The following KDM4C variants were observed in gnomAD, a reference collection of about 807,000 sequenced individuals.
KDM4C encodes lysine-specific demethylase 4C.
KDM4C carries 81 observed loss-of-function variants against 129.3 expected under a neutral mutation model. The observed-to-expected ratio is 0.63, with a 90% CI of 0.52 to 0.75. KDM4C has a LOEUF of 0.75. Among genes scored for constraint, KDM4C ranks in the 30% least tolerant of loss-of-function variants. The pLI, the probability that KDM4C is intolerant of heterozygous loss-of-function variation, is 0.00. For missense variants in KDM4C, 1,457 were observed against 1,304.0 expected (o/e 1.12, Z -1.81); for synonymous variants, 573 against 456.1 (o/e 1.26, Z -3.26).
At chr9:6,917,775 A>G (rs779118354) in intron 8 of KDM4C, among the ~76,000 whole-genome samples, 2 of 152,032 alleles carry the variant, frequency 1.3e-5, no homozygotes, top group Admixed American at 6.6e-5. Flanking sequence ...ACATTTTCCT[A>G]CCTATCAGTC....
At chr9:6,960,476 C>T (rs1829847415) in intron 8 of KDM4C, among the ~76,000 whole-genome samples, 2 of 151,900 alleles carry the variant, frequency 1.3e-5, no homozygotes, top group African/African-American at 2.4e-5. Context: ...CCAGGATGGT[C>T]TAAAACTCCT....
intron 1 of KDM4C, chr9:6,721,129 A>G: frequency 1.3e-6 from 1 of 766,820 alleles, no homozygotes. Flanking sequence ...GCTAGAGGGC[A>G]GTGGTGCAAT....
chr9:7,117,422 C>T (rs150895512), intron 18 of KDM4C, among the ~76,000 whole-genome samples: 164 of 152,044 alleles, frequency 1.1e-3, no homozygotes, highest in Middle Eastern at 6.8e-3. Flanking sequence ...TACCCTGTGT[C>T]GCTTGCTTCT....
intron 1 of KDM4C, among the ~76,000 whole-genome samples, chr9:6,747,003 CAAAAAAAAAAAAAAAAA>C (rs58512756): frequency 2.0e-5 from 1 of 50,554 alleles, no homozygotes; most frequent in African/African-American, 6.5e-5. Flanking sequence ...GACTCCGTCT[CAAAAAAAAAAAAAAAAA>C]AAAAAAAAAG....
intron 17 of KDM4C, among the ~76,000 whole-genome samples, chr9:7,067,645 T>G (rs1438138996): frequency 6.6e-6 from 1 of 152,224 alleles, no homozygotes; most frequent in African/African-American, 2.4e-5. Context: ...TATATTTTAT[T>G]TTCAAAGGCC....
chr9:7,172,791 G>A (rs1270828026), intron 21 of KDM4C, among the ~76,000 whole-genome samples: 1 of 152,160 alleles, frequency 6.6e-6, no homozygotes, highest in African/African-American at 2.4e-5. Flanking sequence ...GTGTTTTCAA[G>A]TCCTAAAGTG....
At chr9:6,838,290 A>G (rs911707710) in intron 4 of KDM4C, among the ~76,000 whole-genome samples, 6 of 152,278 alleles carry the variant, frequency 3.9e-5, no homozygotes, top group South Asian at 4.1e-4. Flanking sequence ...CAATTTGTTC[A>G]TTATTTGCGC....
chr9:7,133,520 T>A (rs968797501), intron 19 of KDM4C, among the ~76,000 whole-genome samples: 1 of 152,204 alleles, frequency 6.6e-6, no homozygotes, highest in African/African-American at 2.4e-5. Flanking sequence ...TTCACACTCA[T>A]TTCACAGACG....
chr9:7,174,510 C>G (rs949484440), intron 21 of KDM4C, 43 bp from the exon 22 acceptor site: 2 of 1,591,304 alleles, frequency 1.3e-6, no homozygotes, highest in East Asian at 2.2e-5. Context: ...TTCTGAAGAT[C>G]AAATGCCGTG....
chr9:7,081,007 C>T (rs189438048), intron 17 of KDM4C, among the ~76,000 whole-genome samples: 3 of 152,316 alleles, frequency 2.0e-5, no homozygotes, highest in East Asian at 3.9e-4. Flanking sequence ...CTAAGGCACA[C>T]GACAGAGACT....
intron 17 of KDM4C, among the ~76,000 whole-genome samples, chr9:7,095,302 C>T (rs1443327212): frequency 2.0e-5 from 3 of 152,216 alleles, no homozygotes; most frequent in African/African-American, 7.2e-5. Context: ...CAAACCACAG[C>T]TGCAACCTTT....
At chr9:6,970,350 C>T (rs1344990552) in intron 8 of KDM4C, among the ~76,000 whole-genome samples, 1 of 152,172 alleles carries the variant, frequency 6.6e-6, no homozygotes, top group Non-Finnish European at 1.5e-5. Flanking sequence ...TACTTATGAA[C>T]CTTGGTCACT....
chr9:7,169,854 A>C lies in KDM4C; in HGVS notation c.2958A>C (p.Leu986Phe), dbSNP rs1844779912. ...TGAAGAGAGAGGACATCTACACTTT[A>C]GATGAAGAGTTACCCAAGAGAGTGA... ...IAMKREDIYT[L>F]DEELPKRVKA... Residue 986 changes from leucine (L) to phenylalanine (F), a missense_variant, in exon 21 of 22, where the codon TTA (leucine) becomes TTC (phenylalanine). Transcript: ENST00000381309. 1 of 1,613,828 alleles carries C rather than the reference A, an allele frequency of 6.2e-7. No individual in the cohort carries two copies. The highest frequency in any genetic ancestry group is 2.2e-5 in the East Asian group (1 of 44,882).
rs867996567 is a variant in KDM4C at position 7,151,487 on chromosome 9, G to C, written c.2782-13751G>C. Among the ~76,000 whole-genome samples the C allele has an allele frequency of 1.4e-4, 22 of 152,004 alleles. 1 individual carries two copies. Among genetic ancestry groups the C allele is most frequent in the Admixed American group, 1.4e-3 (22 of 15,268 alleles). ...TGGTTGTGCCCAGCTATGTTGCTGG[G>C]CAACATAGCAAGACCTCATCTCTAC... is the stretch of plus-strand genomic sequence containing the variant. On this transcript the variant is annotated intron_variant, in intron 19 of 21. Transcript: ENST00000381309.
chr9:7,067,087 C>G (rs920621365), intron 17 of KDM4C, among the ~76,000 whole-genome samples: 1 of 152,316 alleles, frequency 6.6e-6, no homozygotes, highest in African/African-American at 2.4e-5. Flanking sequence ...CAAAATCACT[C>G]CTTTTCCTGG....
chr9:7,164,973 A>G (rs1267463655), intron 19 of KDM4C, among the ~76,000 whole-genome samples: 2 of 152,172 alleles, frequency 1.3e-5, no homozygotes, highest in Non-Finnish European at 2.9e-5. Flanking sequence ...CCCCTAAACA[A>G]TTCTTTTTCA....
At chr9:6,954,930 A>C (rs1241931656) in intron 8 of KDM4C, among the ~76,000 whole-genome samples, 1 of 152,208 alleles carries the variant, frequency 6.6e-6, no homozygotes, top group African/African-American at 2.4e-5. Flanking sequence ...ATCCGATACT[A>C]ATTATTTTGC....
At chr9:7,169,378 C>G (rs1403431869) in intron 20 of KDM4C, among the ~76,000 whole-genome samples, 3 of 152,140 alleles carry the variant, frequency 2.0e-5, no homozygotes, top group Non-Finnish European at 4.4e-5. Context: ...ACTCTGTCAC[C>G]AGGCTGGAGT....
chr9:6,990,583 A>G (rs1317808250), intron 12 of KDM4C, 59 bp downstream of exon 12: 25 of 1,158,934 alleles, frequency 2.2e-5, no homozygotes, highest in Non-Finnish European at 2.7e-5. Context: ...AAAACAAACT[A>G]TTGTAAAAAA....
Sources: allele counts gnomAD v4.1 joint callset (sites outside exome capture counted in the v4.1 genomes callset), GRCh38; gene constraint gnomAD v4.1.1; transcripts MANE v1.5; gene names NCBI Gene and HGNC (gene_info 2026-07-23, HGNC 2026-07-21).